The following PID1 variants were observed in gnomAD, a reference collection of about 807,000 sequenced individuals.
PID1 encodes the protein phosphotyrosine interaction domain containing 1.
Under a neutral mutation model 19.1 loss-of-function variants are expected in PID1, and 10 were observed. The ratio of observed to expected loss-of-function variants is 0.52; its 90% confidence interval spans 0.32 to 0.89. PID1 has a LOEUF of 0.89. Among genes scored for constraint, PID1 ranks in the 40% least tolerant of loss-of-function variants. PID1 has a pLI of 0.03. For synonymous variants in PID1, 130 were observed against 116.0 expected (o/e 1.12, Z -0.78); for missense variants, 248 against 285.3 (o/e 0.87, Z 0.94).
chr2:229,167,515 A>G (rs1348152564), intron 1 of PID1, among the ~76,000 whole-genome samples: 4 of 152,190 alleles, frequency 2.6e-5, no homozygotes, highest in Admixed American at 6.5e-5. Flanking sequence ...ACTGTCAAGA[A>G]TAACAGGCCA....
chr2:229,198,850 C>T (rs985681120), intron 1 of PID1, among the ~76,000 whole-genome samples: 1 of 152,064 alleles, frequency 6.6e-6, no homozygotes, highest in Admixed American at 6.6e-5. Context: ...TCCTTGCATC[C>T]ACTCTTGTTG....
At chr2:229,157,512 T>C (rs1690399364) in intron 1 of PID1, among the ~76,000 whole-genome samples, 1 of 152,080 alleles carries the variant, frequency 6.6e-6, no homozygotes, top group African/African-American at 2.4e-5. Context: ...GGAGCACAGA[T>C]GTGAGTGGAT....
chr2:229,133,187 C>T (rs866721616), intron 2 of PID1, among the ~76,000 whole-genome samples: 2 of 152,212 alleles, frequency 1.3e-5, no homozygotes, highest in Non-Finnish European at 2.9e-5. Context: ...TTGTTCACAG[C>T]TGTTTCTAAT....
chr2:229,261,289 C>T (rs1230479026), intron 1 of PID1, among the ~76,000 whole-genome samples: 2 of 152,178 alleles, frequency 1.3e-5, no homozygotes, highest in Non-Finnish European at 2.9e-5. Flanking sequence ...TGGTACTTTG[C>T]TATTGCAGCC....
intron 2 of PID1, among the ~76,000 whole-genome samples, chr2:229,086,784 G>A (rs575762434): frequency 5.0e-4 from 76 of 152,240 alleles, no homozygotes; most frequent in African/African-American, 1.8e-3. Context: ...CATAATTTTT[G>A]TAAAGCTTAC....
At chr2:229,043,882 A>G (rs1191049563) in intron 2 of PID1, among the ~76,000 whole-genome samples, 1 of 152,154 alleles carries the variant, frequency 6.6e-6, no homozygotes, top group African/African-American at 2.4e-5. Context: ...ACCACATTAG[A>G]AGAAATGGCT....
At chr2:229,031,599 G>T (rs761606588) in intron 2 of PID1, among the ~76,000 whole-genome samples, 3 of 151,852 alleles carry the variant, frequency 2.0e-5, no homozygotes, top group Non-Finnish European at 4.4e-5. Context: ...GAAAGGAAAA[G>T]AAAAGAAAGG....
intron 2 of PID1, among the ~76,000 whole-genome samples, chr2:229,137,218 T>C (rs76672931): frequency 0.027 from 4,155 of 152,302 alleles, 210 homozygotes; most frequent in African/African-American, 0.096. Context: ...CTCTGCTTAA[T>C]ACATTTGAGA....
chr2:229,158,977 A>G (rs1690439100), intron 1 of PID1, among the ~76,000 whole-genome samples: 2 of 152,166 alleles, frequency 1.3e-5, no homozygotes, highest in Non-Finnish European at 2.9e-5. Context: ...GTTAATGGGT[A>G]CAAAAAAACA....
intron 2 of PID1, among the ~76,000 whole-genome samples, chr2:229,112,409 A>T (rs1695316350): frequency 6.6e-6 from 1 of 152,222 alleles, no homozygotes. Flanking sequence ...CAATGTACTC[A>T]GCTGTATTAG....
intron 1 of PID1, among the ~76,000 whole-genome samples, chr2:229,267,259 G>A (rs531018232): frequency 6.6e-6 from 1 of 152,308 alleles, no homozygotes; most frequent in Admixed American, 6.5e-5. Context: ...TTGTGGAAGT[G>A]CTAGTACACA....
At chr2:229,155,718 A>G in intron 2 of PID1, 100 bp downstream of exon 2, 1 of 1,089,600 alleles carries the variant, frequency 9.2e-7, no homozygotes, top group Non-Finnish European at 1.3e-6. Flanking sequence ...TTATATTTTC[A>G]TTCTTAAAAA....
At chr2:229,203,218 G>A (rs746385921) in intron 1 of PID1, among the ~76,000 whole-genome samples, 7 of 152,014 alleles carry the variant, frequency 4.6e-5, no homozygotes, top group Admixed American at 6.6e-5. Context: ...TGATATAGAC[G>A]GTAGGGCTAC....
In PID1 at chr2:229,184,994, C is replaced by T. The variant is rs1362163547; in HGVS notation, c.31-29030G>A. Among the ~76,000 whole-genome samples the T allele has an allele frequency of 2.3e-3, 279 of 119,882 alleles. 3 individuals are homozygous for T. Among genetic ancestry groups the T allele is most frequent in the African/African-American group, 8.5e-3 (269 of 31,714 alleles). 78.6% of individuals were successfully genotyped at this position (119,882 alleles called of 152,430 possible). On this transcript the variant is annotated intron_variant, in intron 1 of 2. Transcript: ENST00000392055. ...ATACTATATATATACTATATATATCCCATATATATACACTATATATACTAT... is the reference window on the plus strand; with the variant it reads ...ATACTATATATATACTATATATATCTCATATATATACACTATATATACTAT...
At chr2:229,172,796 A>G (rs1690737024) in intron 1 of PID1, among the ~76,000 whole-genome samples, 2 of 152,102 alleles carry the variant, frequency 1.3e-5, no homozygotes, top group African/African-American at 2.4e-5. Flanking sequence ...CAATGGCGTA[A>G]TCTCAGCTCA....
At chr2:229,118,156 G>T (rs1695447169) in intron 2 of PID1, among the ~76,000 whole-genome samples, 2 of 152,082 alleles carry the variant, frequency 1.3e-5, no homozygotes, top group African/African-American at 4.8e-5. Context: ...CAAAGAAAGT[G>T]ATTTGTTCAT....
chr2:229,205,526 A>G (rs902855615), intron 1 of PID1, among the ~76,000 whole-genome samples: 1 of 152,086 alleles, frequency 6.6e-6, no homozygotes, highest in Non-Finnish European at 1.5e-5. Flanking sequence ...CGGGAGATTT[A>G]ATTAAATTAT....
rs796148800 is a variant in PID1 at position 229,139,115 on chromosome 2, G to GAGAAAGAAAGAAAGAAAGAAAGAAAGAA, written c.177+16675_177+16702dup. Among the ~76,000 whole-genome samples, 72 of 48,046 alleles carry GAGAAAGAAAGAAAGAAAGAAAGAAAGAA rather than the reference G, an allele frequency of 1.5e-3. 7 individuals carry two copies. The highest frequency in any genetic ancestry group is 4.0e-3 in the South Asian group (4 of 994). 31.5% of individuals were successfully genotyped at this position (48,046 alleles called of 152,430 possible). A position where few individuals can be genotyped will look rare whatever the true frequency, so the allele number is the denominator to read the frequency against. ...AGAAAGAAAGAAAGAAAGAAAGAAA[G>GAGAAAGAAAGAAAGAAAGAAAGAAAGAA]AGAAAGAAAGAAAGAAAGAAAGAAA... is the stretch of plus-strand genomic sequence containing the variant. On this transcript the variant is annotated intron_variant, in intron 2 of 2. Transcript: ENST00000392055.
intron 2 of PID1, among the ~76,000 whole-genome samples, chr2:229,061,438 G>A (rs1252765056): frequency 6.6e-6 from 1 of 151,864 alleles, no homozygotes; most frequent in African/African-American, 2.4e-5. Flanking sequence ...AAATTTCTAG[G>A]ATGTTTATTT....
Sources: gnomAD v4.1 joint callset for allele counts (sites outside exome capture counted in the v4.1 genomes callset) on GRCh38, gnomAD v4.1.1 for gene constraint, MANE v1.5 for transcripts, NCBI Gene and HGNC (gene_info 2026-07-23, HGNC 2026-07-21) for gene names.